The following BTBD16 variants were observed in gnomAD, a reference collection of about 807,000 sequenced individuals.
BTBD16 encodes BTB domain containing 16, also known as BTB/POZ domain-containing protein 16.
A neutral mutation model predicts 67.4 loss-of-function variants in BTBD16; 66 were observed. The ratio of observed to expected loss-of-function variants is 0.98; its 90% CI spans 0.80 to 1.20. BTBD16 has a LOEUF of 1.20. Among genes scored for constraint, BTBD16 ranks in the 50% most tolerant of loss-of-function variants. The pLI is 0.00. For synonymous variants in BTBD16, 242 were observed against 236.4 expected (o/e 1.02, Z -0.22); for missense variants, 634 against 616.0 (o/e 1.03, Z -0.31).
At chr10:122,304,441 G>A (rs909590378) in intron 9 of BTBD16, among the ~76,000 whole-genome samples, 2 of 152,110 alleles carry the variant, frequency 1.3e-5, no homozygotes, top group East Asian at 3.9e-4. Context: ...ATGTCAACGG[G>A]TTTAAGAAAT....
intron 10 of BTBD16, 136 bp from the exon 11 acceptor site, chr10:122,329,344 T>C: frequency 1.4e-6 from 1 of 736,170 alleles, no homozygotes; most frequent in Non-Finnish European, 2.3e-6. Context: ...ACCTGACCCC[T>C]CCAGAGGGAC....
chr10:122,297,438 A>G (rs2096385353), intron 7 of BTBD16, among the ~76,000 whole-genome samples: 1 of 152,216 alleles, frequency 6.6e-6, no homozygotes, highest in African/African-American at 2.4e-5. Context: ...AGGCAGGGGG[A>G]TGACCAGATG....
intron 15 of BTBD16, 123 bp downstream of exon 15, chr10:122,336,805 CA>C: frequency 1.2e-6 from 1 of 855,218 alleles, no homozygotes; most frequent in Non-Finnish European, 1.7e-6. Flanking sequence ...AAATCTGGCT[CA>C]GTTTCTTAAG....
At chr10:122,291,224 G>C (rs1221908214) in intron 7 of BTBD16, 30 bp downstream of exon 7, 1 of 1,597,924 alleles carries the variant, frequency 6.3e-7, no homozygotes, top group South Asian at 1.1e-5. Context: ...TTTGGGCAGG[G>C]CCGGGCCTGG....
Position 122,310,858 on chromosome 10 carries a change from G to A in BTBD16, c.911+3550G>A, listed in dbSNP as rs543836373. Reference sequence around the variant, plus strand: ...AAGCTGAACAAATATTAGCTCACCCGGACCTTGACCCTACCAGGAAAGAAG... The same window carrying A: ...AAGCTGAACAAATATTAGCTCACCCAGACCTTGACCCTACCAGGAAAGAAG... On this transcript the variant is annotated intron_variant, in intron 10 of 15. Transcript: ENST00000260723. Among the ~76,000 whole-genome samples the A allele has an allele frequency of 1.4e-3, 220 of 152,254 alleles. 1 individual carries two copies. The highest frequency in any genetic ancestry group is 3.4e-3 in the Middle Eastern group (1 of 294).
intron 5 of BTBD16, among the ~76,000 whole-genome samples, chr10:122,288,310 C>T (rs1446520444): frequency 6.6e-6 from 1 of 152,136 alleles, no homozygotes; most frequent in South Asian, 2.1e-4. Flanking sequence ...AAGAATGTGA[C>T]CCAGAGTGGA....
intron 3 of BTBD16, among the ~76,000 whole-genome samples, chr10:122,282,292 G>C (rs537177901): frequency 6.6e-6 from 1 of 152,342 alleles, no homozygotes; most frequent in South Asian, 2.1e-4. Flanking sequence ...GGGGGATCGA[G>C]GGAGGAAGCG....
intron 3 of BTBD16, among the ~76,000 whole-genome samples, chr10:122,283,523 TA>T (rs1427319225): frequency 5.9e-5 from 9 of 152,188 alleles, no homozygotes; most frequent in Non-Finnish European, 1.2e-4. Flanking sequence ...TCCCAGCAGA[TA>T]TTTACTGAGT....
chr10:122,311,168 T>C (rs1172358507), intron 10 of BTBD16, among the ~76,000 whole-genome samples: 1 of 152,240 alleles, frequency 6.6e-6, no homozygotes, highest in Non-Finnish European at 1.5e-5. Context: ...GAACATGTGC[T>C]TTGTGCCTCA....
chr10:122,335,035 T>A (rs1252137816), intron 14 of BTBD16, 56 bp downstream of exon 14: 2 of 824,872 alleles, frequency 2.4e-6, no homozygotes, highest in Admixed American at 5.4e-5. Context: ...AGAGTTAGAG[T>A]CAATTCATGT....
intron 11 of BTBD16, among the ~76,000 whole-genome samples, chr10:122,330,546 A>G (rs2096453473): frequency 6.6e-6 from 1 of 152,206 alleles, no homozygotes; most frequent in South Asian, 2.1e-4. Context: ...GGGCAGCAAT[A>G]TCTTCTTGCA....
chr10:122,313,774 G>C (rs1263776903), intron 10 of BTBD16, among the ~76,000 whole-genome samples: 1 of 152,100 alleles, frequency 6.6e-6, no homozygotes, highest in Non-Finnish European at 1.5e-5. Context: ...TACTGGAAAG[G>C]CCATGCTTTG....
intron 9 of BTBD16, among the ~76,000 whole-genome samples, chr10:122,305,314 A>C (rs2421011): frequency 6.6e-6 from 1 of 151,746 alleles, no homozygotes; most frequent in East Asian, 2.0e-4. Context: ...CAAATCTCAC[A>C]TTGAATTGTA....
At chr10:122,301,520 C>T (rs148624452) in intron 9 of BTBD16, among the ~76,000 whole-genome samples, 15 of 152,102 alleles carry the variant, frequency 9.9e-5, no homozygotes, top group East Asian at 3.9e-4. Context: ...CATGTGCCCA[C>T]GCTGACCACT....
chr10:122,330,868 A>T (rs1191384319), intron 11 of BTBD16, among the ~76,000 whole-genome samples: 3 of 152,180 alleles, frequency 2.0e-5, no homozygotes, highest in African/African-American at 7.2e-5. Context: ...AGCTGGGATT[A>T]AAGATGTGCA....
intron 11 of BTBD16, among the ~76,000 whole-genome samples, chr10:122,330,044 A>C (rs1307346063): frequency 6.6e-6 from 1 of 152,208 alleles, no homozygotes; most frequent in Non-Finnish European, 1.5e-5. Flanking sequence ...GAGGCCACCC[A>C]GTGAGATCTT....
intron 3 of BTBD16, among the ~76,000 whole-genome samples, chr10:122,280,747 A>G (rs1212880809): frequency 6.6e-6 from 1 of 152,132 alleles, no homozygotes; most frequent in African/African-American, 2.4e-5. Flanking sequence ...AGGCATTGCA[A>G]TGCAATACCA....
intron 9 of BTBD16, among the ~76,000 whole-genome samples, chr10:122,304,939 A>C (rs1282187724): frequency 1.3e-5 from 2 of 152,024 alleles, no homozygotes; most frequent in Non-Finnish European, 2.9e-5. Context: ...CTAGGACCTG[A>C]CCCTGCCACA....
At chr10:122,327,534 C>T in intron 10 of BTBD16, 1 of 955,934 alleles carries the variant, frequency 1.0e-6, no homozygotes, top group South Asian at 4.8e-5. Flanking sequence ...AGGACTGTGG[C>T]TGGCTGGGCT....
Sources: gnomAD v4.1 joint callset for allele counts (sites outside exome capture counted in the v4.1 genomes callset) on GRCh38, gnomAD v4.1.1 for gene constraint, MANE v1.5 for transcripts, NCBI Gene and HGNC (gene_info 2026-07-23, HGNC 2026-07-21) for gene names.